EPHA5: variants seen among roughly 807,000 people sequenced by gnomAD.
The protein encoded by EPHA5 is ephrin type-A receptor 5.
EPHA5 carries 60 observed loss-of-function variants against 105.0 expected under a neutral mutation model. That is an observed-to-expected ratio of 0.57 (90% CI 0.46 to 0.71). The LOEUF is 0.71. Ranked by LOEUF, EPHA5 falls within the 30% of genes least tolerant of loss-of-function variation. EPHA5 has a pLI of 0.00. For missense variants in EPHA5, 1,218 were observed against 1,274.7 expected (o/e 0.96, Z 0.68); for synonymous variants, 513 against 449.1 (o/e 1.14, Z -1.80).
chr4:65,453,203 T>C (rs1727236082), intron 5 of EPHA5, among the ~76,000 whole-genome samples: 1 of 152,196 alleles, frequency 6.6e-6, no homozygotes, highest in Non-Finnish European at 1.5e-5. Flanking sequence ...ATAAAAATAA[T>C]ATGCTCTTGT....
intron 6 of EPHA5, among the ~76,000 whole-genome samples, chr4:65,417,525 ATATAT>A (rs1723504635): frequency 6.6e-6 from 1 of 152,146 alleles, no homozygotes; most frequent in South Asian, 2.1e-4. Context: ...ACTTCCACCA[ATATAT>A]TATATAAAGA....
At chr4:65,520,882 C>T (rs900377505) in intron 3 of EPHA5, among the ~76,000 whole-genome samples, 4 of 152,060 alleles carry the variant, frequency 2.6e-5, no homozygotes, top group Admixed American at 6.6e-5. Flanking sequence ...ATAACAGGTG[C>T]TGGAGAGGAT....
intron 3 of EPHA5, among the ~76,000 whole-genome samples, chr4:65,600,473 G>A (rs1252167123): frequency 6.6e-6 from 1 of 152,156 alleles, no homozygotes; most frequent in Admixed American, 6.6e-5. Flanking sequence ...AAAGTGCAAT[G>A]TGTTTCTGGA....
At chr4:65,610,116 A>G (rs1000003122) in intron 2 of EPHA5, among the ~76,000 whole-genome samples, 28 of 152,134 alleles carry the variant, frequency 1.8e-4, no homozygotes, top group Non-Finnish European at 5.9e-5. Flanking sequence ...ACAGGATAAA[A>G]AAATGTGGTA....
chr4:65,555,661 C>T (rs954215867), intron 3 of EPHA5, among the ~76,000 whole-genome samples: 5 of 141,152 alleles, frequency 3.5e-5, no homozygotes, highest in South Asian at 4.2e-4. Flanking sequence ...AGCTGGGCTA[C>T]TTCATCAGGC....
At chr4:65,506,026 G>A (rs967639410) in intron 3 of EPHA5, among the ~76,000 whole-genome samples, 3 of 152,036 alleles carry the variant, frequency 2.0e-5, no homozygotes, top group Non-Finnish European at 4.4e-5. Context: ...ACAGGCCCCA[G>A]TGTGTGATGC....
At chr4:65,370,754 C>T (rs1390625415) in intron 8 of EPHA5, among the ~76,000 whole-genome samples, 5 of 152,000 alleles carry the variant, frequency 3.3e-5, no homozygotes, top group Non-Finnish European at 7.4e-5. Flanking sequence ...GTCAGGAGGG[C>T]AATTGAAAGG....
At chr4:65,567,065 G>A (rs1272661730) in intron 3 of EPHA5, among the ~76,000 whole-genome samples, 1 of 151,464 alleles carries the variant, frequency 6.6e-6, no homozygotes, top group Non-Finnish European at 1.5e-5. Flanking sequence ...AAACTCTGAC[G>A]ATTAACAGAA....
At chr4:65,584,720 A>G (rs188995402) in intron 3 of EPHA5, among the ~76,000 whole-genome samples, 1 of 152,020 alleles carries the variant, frequency 6.6e-6, no homozygotes, top group South Asian at 2.1e-4. Flanking sequence ...TTTTAATGGA[A>G]ATATTTAGTA....
At chr4:65,421,406 T>C (rs1018496673) in intron 5 of EPHA5, among the ~76,000 whole-genome samples, 4 of 152,118 alleles carry the variant, frequency 2.6e-5, no homozygotes, top group Non-Finnish European at 5.9e-5. Flanking sequence ...TATTGAAAAG[T>C]ACTAACATTA....
intron 2 of EPHA5, among the ~76,000 whole-genome samples, chr4:65,615,832 T>C (rs1399353819): frequency 6.6e-6 from 1 of 151,860 alleles, no homozygotes; most frequent in Non-Finnish European, 1.5e-5. Flanking sequence ...ACCTATATAT[T>C]GCTGGTGGAA....
chr4:65,658,503 A>G (rs1487780276), intron 1 of EPHA5, among the ~76,000 whole-genome samples: 1 of 152,120 alleles, frequency 6.6e-6, no homozygotes, highest in Non-Finnish European at 1.5e-5. Context: ...GACTAATGTA[A>G]AAAAGTAGAC....
chr4:65,450,496 G>T (rs560771161), intron 5 of EPHA5, among the ~76,000 whole-genome samples: 1 of 152,224 alleles, frequency 6.6e-6, no homozygotes, highest in South Asian at 2.1e-4. Flanking sequence ...ATGCTGAGGG[G>T]CATAGATCCA....
At chr4:65,509,338 C>T (rs1420313848) in intron 3 of EPHA5, among the ~76,000 whole-genome samples, 1 of 151,976 alleles carries the variant, frequency 6.6e-6, no homozygotes, top group Non-Finnish European at 1.5e-5. Flanking sequence ...ACTGTTCGAC[C>T]TGTTTGATAC....
At chr4:65,361,425 A>G (rs1717305782) in intron 11 of EPHA5, among the ~76,000 whole-genome samples, 1 of 151,636 alleles carries the variant, frequency 6.6e-6, no homozygotes, top group South Asian at 2.1e-4. Flanking sequence ...AAGTCTATGC[A>G]TTTTGGTTGA....
chr4:65,369,473 A>G (rs1405162097), intron 8 of EPHA5, among the ~76,000 whole-genome samples: 2 of 152,160 alleles, frequency 1.3e-5, no homozygotes, highest in African/African-American at 2.4e-5. Context: ...AAATTGGTTG[A>G]GAACTACCGT....
intron 3 of EPHA5, 25 bp downstream of exon 3, chr4:65,601,616 T>G (rs779040154): frequency 3.1e-6 from 5 of 1,603,166 alleles, no homozygotes; most frequent in South Asian, 2.2e-5. Context: ...AGACAGCCCC[T>G]GCAGATCTGG....
At chr4:65,432,608 C>G (rs563697880) in intron 5 of EPHA5, among the ~76,000 whole-genome samples, 11 of 152,054 alleles carry the variant, frequency 7.2e-5, no homozygotes, top group African/African-American at 2.4e-4. Flanking sequence ...TACTCTGTCA[C>G]CCAGTCTTGA....
chr4:65,501,999 G>A (rs947549072), intron 3 of EPHA5, among the ~76,000 whole-genome samples: 1 of 151,562 alleles, frequency 6.6e-6, no homozygotes, highest in African/African-American at 2.4e-5. Context: ...TAAGCAATAG[G>A]GGAAAAACTT....
Sources: allele counts gnomAD v4.1 joint callset (sites outside exome capture counted in the v4.1 genomes callset), GRCh38; gene constraint gnomAD v4.1.1; transcripts MANE v1.5; gene names NCBI Gene and HGNC (gene_info 2026-07-23, HGNC 2026-07-21).